The following GPC6 variants were observed in gnomAD, a reference collection of about 807,000 sequenced individuals.
GPC6 encodes glypican 6, also known as glypican-6.
GPC6 carries 14 observed loss-of-function variants against 55.2 expected under a neutral mutation model. The ratio of observed to expected loss-of-function variants is 0.25; its 90% CI spans 0.17 to 0.40. GPC6 has a LOEUF of 0.40. GPC6 is among the 10% of genes least tolerant of loss of function. GPC6 has a pLI of 1.00. For missense variants in GPC6, 641 were observed against 708.5 expected, an observed-to-expected ratio of 0.90 and a Z score of 1.08; for synonymous variants, 278 against 259.6, an observed-to-expected ratio of 1.07 and a Z score of -0.68.
intron 3 of GPC6, among the ~76,000 whole-genome samples, chr13:94,009,803 T>C (rs144312084): frequency 2.0e-5 from 3 of 152,284 alleles, no homozygotes; most frequent in African/African-American, 7.2e-5. Flanking sequence ...GTACGTTTAA[T>C]GAAGTTTGAT....
At chr13:93,796,494 A>G (rs1886200824) in intron 2 of GPC6, among the ~76,000 whole-genome samples, 2 of 152,276 alleles carry the variant, frequency 1.3e-5, no homozygotes, top group Admixed American at 1.3e-4. Context: ...GATAGAAAAC[A>G]CTATTAATGA....
chr13:93,346,102 T>C (rs1225832864), intron 1 of GPC6, among the ~76,000 whole-genome samples: 1 of 152,202 alleles, frequency 6.6e-6, no homozygotes, highest in Non-Finnish European at 1.5e-5. Context: ...GAACTGTTGC[T>C]AAGTAAATCA....
At chr13:93,875,172 G>T (rs551083132) in intron 3 of GPC6, among the ~76,000 whole-genome samples, 1 of 151,960 alleles carries the variant, frequency 6.6e-6, no homozygotes, top group Non-Finnish European at 1.5e-5. Flanking sequence ...AGTATTCAGA[G>T]ATACTTGCAT....
intron 2 of GPC6, among the ~76,000 whole-genome samples, chr13:93,698,204 A>G (rs920600541): frequency 6.6e-6 from 1 of 152,062 alleles, no homozygotes; most frequent in African/African-American, 2.4e-5. Flanking sequence ...TGGATGACAC[A>G]ACTAATTAAT....
chr13:94,184,753 A>G lies in GPC6; in HGVS notation c.878-101596A>G, dbSNP rs369173520. 3.9e-5 allele frequency among the ~76,000 whole-genome samples: 6 copies of G among 152,316 alleles called. No homozygotes were observed. The East Asian group carries it at 5.8e-4, about 15-fold the overall frequency. On this transcript the variant is annotated intron_variant, in intron 4 of 8. Transcript: ENST00000377047. Reference sequence around the variant, plus strand: ...TTGGAGTTTTCCCAAAAAAATTTAAAACAGAACTACCATTTGACCCAGCAA... The same window carrying G: ...TTGGAGTTTTCCCAAAAAAATTTAAGACAGAACTACCATTTGACCCAGCAA...
At chr13:94,132,622 A>G (rs1010007484) in intron 4 of GPC6, among the ~76,000 whole-genome samples, 11 of 152,260 alleles carry the variant, frequency 7.2e-5, no homozygotes, top group Middle Eastern at 3.4e-3. Flanking sequence ...TGGGTCTTTA[A>G]TAGTTGCCCT....
chr13:94,364,907 C>A (rs9589974), intron 6 of GPC6, among the ~76,000 whole-genome samples: 18,165 of 152,166 alleles, frequency 0.12, 2,112 homozygotes, highest in East Asian at 0.32. Flanking sequence ...AAGGGCATGT[C>A]GAATTTACAT....
intron 1 of GPC6, among the ~76,000 whole-genome samples, chr13:93,291,407 G>A (rs73554226): frequency 0.014 from 2,068 of 152,212 alleles, 41 homozygotes; most frequent in African/African-American, 0.046. Context: ...CCACTGTATC[G>A]TAGACACTGC....
chr13:93,552,480 G>C (rs978830878), intron 2 of GPC6, among the ~76,000 whole-genome samples: 28 of 146,914 alleles, frequency 1.9e-4, no homozygotes, highest in African/African-American at 5.3e-4. Context: ...CTGTCTCTCT[G>C]TCTCTCTCTC....
intron 3 of GPC6, among the ~76,000 whole-genome samples, chr13:93,927,422 C>G (rs1877916989): frequency 6.6e-6 from 1 of 152,016 alleles, no homozygotes; most frequent in Non-Finnish European, 1.5e-5. Flanking sequence ...TAGTCTTTTA[C>G]TTGGAAAGGA....
chr13:93,316,991 C>T (rs901387616), intron 1 of GPC6, among the ~76,000 whole-genome samples: 1 of 152,224 alleles, frequency 6.6e-6, no homozygotes, highest in African/African-American at 2.4e-5. Flanking sequence ...GAGCCATTCT[C>T]ATTTGCAAGT....
intron 2 of GPC6, among the ~76,000 whole-genome samples, chr13:93,672,148 G>GTT (rs5805816): frequency 1.9e-3 from 252 of 134,106 alleles, no homozygotes; most frequent in African/African-American, 2.9e-3. Context: ...TAAGTTCTGG[G>GTT]TTTTTTTTTT....
At chr13:93,993,807 A>G (rs1881419250) in intron 3 of GPC6, among the ~76,000 whole-genome samples, 1 of 152,188 alleles carries the variant, frequency 6.6e-6, no homozygotes, top group African/African-American at 2.4e-5. Flanking sequence ...TTACATGATT[A>G]CTATGGTTTT....
chr13:94,345,882 T>C (rs1878260773), intron 6 of GPC6, among the ~76,000 whole-genome samples: 2 of 152,138 alleles, frequency 1.3e-5, no homozygotes, highest in Non-Finnish European at 2.9e-5. Context: ...GAAATTAAGG[T>C]AGCAGCAGAA....
At chr13:94,263,941 G>A (rs535007453) in intron 4 of GPC6, among the ~76,000 whole-genome samples, 47 of 152,270 alleles carry the variant, frequency 3.1e-4, no homozygotes, top group Admixed American at 1.6e-3. Flanking sequence ...TGTGTCTTGC[G>A]TGTAGAGTGT....
At chr13:94,273,326 T>G (rs535708555) in intron 4 of GPC6, among the ~76,000 whole-genome samples, 27 of 152,264 alleles carry the variant, frequency 1.8e-4, no homozygotes, top group African/African-American at 6.0e-4. Context: ...CTGTTAAGGA[T>G]TCAAAGTAAC....
Position 93,677,466 on chromosome 13 carries a change from A to G in GPC6, c.319+132045A>G, listed in dbSNP as rs752254079. On this transcript the variant is annotated intron_variant, in intron 2 of 8. Transcript: ENST00000377047. The stretch of plus-strand genomic sequence containing the variant: ...GAAGTTATAGTTTCTCTTCTAAGTC[A>G]TTACAAAGGCTTATTATATATAATA... 4.6e-5 allele frequency among the ~76,000 whole-genome samples: 7 copies of G among 152,046 alleles called. No homozygotes were observed. In the East Asian group the frequency reaches 7.7e-4, roughly 17 times the overall value.
intron 3 of GPC6, among the ~76,000 whole-genome samples, chr13:93,944,214 A>ATTTT (rs1248537175): frequency 2.7e-4 from 31 of 115,276 alleles, no homozygotes; most frequent in Admixed American, 1.1e-3. Context: ...TTATTTATTT[A>ATTTT]TTTTTTCCTG....
At chr13:93,928,740 G>A (rs199688225) in intron 3 of GPC6, among the ~76,000 whole-genome samples, 2 of 112,176 alleles carry the variant, frequency 1.8e-5, no homozygotes, top group Admixed American at 1.0e-4. Flanking sequence ...CTAGTATGAC[G>A]AGGTAGACAG....
Sources: allele counts gnomAD v4.1 joint callset (sites outside exome capture counted in the v4.1 genomes callset), GRCh38; gene constraint gnomAD v4.1.1; transcripts MANE v1.5; gene names NCBI Gene and HGNC (gene_info 2026-07-23, HGNC 2026-07-21).